The following CATSPERE variants were observed in gnomAD, a reference collection of about 807,000 sequenced individuals.
The protein encoded by CATSPERE is catsper channel auxiliary subunit epsilon.
A neutral mutation model predicts 114.1 loss-of-function variants in CATSPERE; 93 were observed. That is an observed-to-expected ratio of 0.81 (90% CI 0.69 to 0.97). The LOEUF (loss-of-function observed/expected upper bound fraction) is 0.97, where lower values mean the gene tolerates loss of function less well. Among genes scored for constraint, CATSPERE ranks in the 50% least tolerant of loss-of-function variants. The pLI is 0.00. For synonymous variants in CATSPERE, 341 were observed against 384.1 expected (o/e 0.89, Z 1.31); for missense variants, 1,058 against 1,131.6 (o/e 0.93, Z 0.93).
At chr1:244,468,968 C>T (rs1294251558) in intron 2 of CATSPERE, among the ~76,000 whole-genome samples, 3 of 152,018 alleles carry the variant, frequency 2.0e-5, no homozygotes, top group Admixed American at 6.6e-5. Context: ...AGAGATTTTC[C>T]GTGACTCTTC....
intron 8 of CATSPERE, among the ~76,000 whole-genome samples, chr1:244,529,718 T>G (rs956192001): frequency 1.3e-5 from 2 of 152,114 alleles, no homozygotes; most frequent in Non-Finnish European, 2.9e-5. Context: ...CTTTTTAACT[T>G]GATGTGATTC....
chr1:244,463,049 G>C (rs1667056080), intron 1 of CATSPERE, among the ~76,000 whole-genome samples: 1 of 152,118 alleles, frequency 6.6e-6, no homozygotes, highest in African/African-American at 2.4e-5. Flanking sequence ...TGTGGTGTAA[G>C]TGTAATGTAC....
intron 3 of CATSPERE, 44 bp from the exon 4 acceptor site, chr1:244,477,859 TATC>T (rs1406657191): frequency 4.3e-6 from 6 of 1,385,220 alleles, no homozygotes; most frequent in African/African-American, 1.5e-5. Flanking sequence ...ATTTTATTAA[TATC>T]ATATGCACCT....
At chr1:244,586,347 G>C (rs1362867325) in intron 13 of CATSPERE, among the ~76,000 whole-genome samples, 2 of 152,154 alleles carry the variant, frequency 1.3e-5, no homozygotes, top group African/African-American at 4.8e-5. Context: ...TTGCAAATGA[G>C]ATCATCAAGT....
intron 19 of CATSPERE, among the ~76,000 whole-genome samples, chr1:244,614,218 G>A (rs1056515619): frequency 6.6e-6 from 1 of 152,214 alleles, no homozygotes; most frequent in African/African-American, 2.4e-5. Flanking sequence ...CTCAGCACAG[G>A]TCGCTCAAGC....
At chr1:244,595,849 C>T (rs142150780) in intron 17 of CATSPERE, among the ~76,000 whole-genome samples, 7,562 of 152,206 alleles carry the variant, frequency 0.05, 258 homozygotes, top group Non-Finnish European at 0.074. Flanking sequence ...AGGAGAATGG[C>T]GTGAACCCAG....
Position 244,518,596 on chromosome 1 carries a change from C to G in CATSPERE, c.434C>G (p.Ser145Cys). 1 of 1,552,096 alleles carries G rather than the reference C, an allele frequency of 6.4e-7. No individual in the cohort carries two copies. Among genetic ancestry groups the G allele is most frequent in the South Asian group, 1.1e-5 (1 of 88,692 alleles). The change falls in exon 8 of 22, where the codon TCC becomes TGC. Residue 145 changes from serine to cysteine, a missense_variant. By Grantham distance (112) the Ser-to-Cys change is moderately radical (BLOSUM62 -1). Coordinates refer to ENST00000366534, the MANE Select transcript of CATSPERE (RefSeq NM_001130957.2). The part of the protein sequence containing the change: ...LGNAEEPSIN[S>C]IVLSTQMATL... ...AAATTTAATTTGTTTTTACAGAATT[C>G]CATAGTACTCAGCACACAGATGGCC...
intron 8 of CATSPERE, among the ~76,000 whole-genome samples, chr1:244,523,805 G>C (rs972539593): frequency 6.8e-6 from 1 of 146,152 alleles, no homozygotes; most frequent in African/African-American, 2.7e-5. Context: ...TCTTCAAGGA[G>C]AACTACAAAC....
At chr1:244,564,155 C>A (rs1663037248) in intron 10 of CATSPERE, among the ~76,000 whole-genome samples, 1 of 152,072 alleles carries the variant, frequency 6.6e-6, no homozygotes, top group Non-Finnish European at 1.5e-5. Context: ...GTTACTGTAG[C>A]CTTGTAGTAT....
intron 2 of CATSPERE, among the ~76,000 whole-genome samples, chr1:244,477,224 G>C (rs1669514670): frequency 6.6e-6 from 1 of 152,142 alleles, no homozygotes; most frequent in Non-Finnish European, 1.5e-5. Flanking sequence ...TCAAACTCCT[G>C]ACCTCAGGTG....
chr1:244,524,877 T>C (rs1678263736), intron 8 of CATSPERE, among the ~76,000 whole-genome samples: 2 of 146,298 alleles, frequency 1.4e-5, no homozygotes, highest in Non-Finnish European at 3.0e-5. Flanking sequence ...AGGAACACTT[T>C]TACACTGTTG....
At chr1:244,538,960 A>G (rs1291970582) in intron 8 of CATSPERE, among the ~76,000 whole-genome samples, 2 of 69,982 alleles carry the variant, frequency 2.9e-5, no homozygotes, top group African/African-American at 8.2e-5. Flanking sequence ...TCACTAGCCA[A>G]CAGCATCACA....
At chr1:244,489,873 C>G (rs191580933) in intron 5 of CATSPERE, among the ~76,000 whole-genome samples, 3 of 152,050 alleles carry the variant, frequency 2.0e-5, no homozygotes, top group African/African-American at 4.8e-5. Flanking sequence ...GGAGGGATTA[C>G]TTTTTAAAGC....
At chr1:244,590,838 G>A (rs747453339) in intron 14 of CATSPERE, among the ~76,000 whole-genome samples, 12 of 152,184 alleles carry the variant, frequency 7.9e-5, no homozygotes, top group African/African-American at 2.9e-4. Context: ...CCATCCAGCA[G>A]TTCATGGATA....
chr1:244,546,967 G>A (rs1236563930), intron 8 of CATSPERE, among the ~76,000 whole-genome samples: 8 of 151,996 alleles, frequency 5.3e-5, no homozygotes, highest in Non-Finnish European at 8.8e-5. Flanking sequence ...AATTATCCAG[G>A]TACATAAAGA....
chr1:244,517,491 G>T (rs1676826595), intron 7 of CATSPERE, among the ~76,000 whole-genome samples: 1 of 151,830 alleles, frequency 6.6e-6, no homozygotes, highest in Non-Finnish European at 1.5e-5. Context: ...CATCAAATGG[G>T]CTGGGTGCAG....
intron 17 of CATSPERE, among the ~76,000 whole-genome samples, chr1:244,602,422 C>T (rs1457769508): frequency 1.3e-5 from 2 of 152,154 alleles, no homozygotes; most frequent in East Asian, 1.9e-4. Context: ...GGGGTGGCCA[C>T]CGGGAAATTA....
chr1:244,586,625 A>G (rs1207803910), intron 13 of CATSPERE, among the ~76,000 whole-genome samples: 1 of 151,982 alleles, frequency 6.6e-6, no homozygotes, highest in African/African-American at 2.4e-5. Flanking sequence ...AGCAGCATCA[A>G]CTCTTTAAGG....
In CATSPERE at chr1:244,635,467, ATAT is replaced by A; in HGVS notation, c.2649-17_2649-15del. The A allele has an allele frequency of 6.4e-7, 1 of 1,569,086 alleles. No individual in the cohort carries two copies. The highest frequency in any genetic ancestry group is 8.8e-7 in the Non-Finnish European group (1 of 1,139,690). Reference sequence around the variant, plus strand: ...TATATTGTACTTAGTGTAATCTTTCATATTATTTTTCTGCTTTGCAGTTTCTGT... The same window carrying A: ...TATATTGTACTTAGTGTAATCTTTCATATTTTTCTGCTTTGCAGTTTCTGT... On this transcript the variant is annotated intron_variant, in intron 20 of 21. Transcript: ENST00000366534.
Sources: allele counts gnomAD v4.1 joint callset (sites outside exome capture counted in the v4.1 genomes callset), GRCh38; gene constraint gnomAD v4.1.1; transcripts MANE v1.5; gene names NCBI Gene and HGNC (gene_info 2026-07-23, HGNC 2026-07-21).